Variants in NMRK1 observed in about 807,000 individuals in gnomAD.
NMRK1 encodes NRK 1.
NMRK1 carries 28 observed loss-of-function variants against 29.9 expected under a neutral mutation model. That is an observed-to-expected ratio of 0.94 (90% CI 0.69 to 1.28). The LOEUF (loss-of-function observed/expected upper bound fraction) is 1.28, where lower values mean the gene tolerates loss of function less well. Among genes scored for constraint, NMRK1 ranks in the 50% most tolerant of loss-of-function variants. The probability of loss-of-function intolerance (pLI) is 0.00; values close to 1 mark genes in which losing one functional copy is unlikely to be tolerated. For synonymous variants in NMRK1, 58 were observed against 73.0 expected (o/e 0.79, Z 1.05); for missense variants, 218 against 233.1 (o/e 0.94, Z 0.42).
At chr9:75,085,060 A>T (rs1824539101) in intron 1 of NMRK1, among the ~76,000 whole-genome samples, 1 of 152,008 alleles carries the variant, frequency 6.6e-6, no homozygotes, top group Non-Finnish European at 1.5e-5. Context: ...TTTTGTGGTG[A>T]TAAATGTTCT....
intron 2 of NMRK1, chr9:75,082,860 T>A: frequency 2.0e-6 from 1 of 510,626 alleles, no homozygotes; most frequent in Non-Finnish European, 3.5e-6. Context: ...AATGGGAAAG[T>A]GGGTAAATGT....
chr9:75,078,456 C>T (rs778391635), intron 2 of NMRK1: 115 of 1,509,266 alleles, frequency 7.6e-5, no homozygotes, highest in Non-Finnish European at 9.0e-5. Flanking sequence ...CTGTGAAGTC[C>T]AGGAGAAGGG....
chr9:75,078,822 C>T (rs561559930), intron 2 of NMRK1, among the ~76,000 whole-genome samples: 13 of 152,064 alleles, frequency 8.5e-5, no homozygotes, highest in African/African-American at 3.1e-4. Flanking sequence ...TTGTTTAGAC[C>T]CACTTCTGGC....
intron 2 of NMRK1, among the ~76,000 whole-genome samples, chr9:75,080,591 G>A (rs566671349): frequency 6.6e-6 from 1 of 152,328 alleles, no homozygotes; most frequent in South Asian, 2.1e-4. Context: ...GGCGGAGGCT[G>A]CAGTGAGCCG....
At chr9:75,077,306 T>C in intron 3 of NMRK1, 99 bp from the exon 4 acceptor site, 2 of 952,318 alleles carry the variant, frequency 2.1e-6, no homozygotes, top group East Asian at 2.4e-5. Context: ...ATGCTTTGGA[T>C]GATCAAAGAA....
intron 4 of NMRK1, among the ~76,000 whole-genome samples, chr9:75,074,426 CACCTA>C (rs1823876473): frequency 6.6e-6 from 1 of 151,244 alleles, no homozygotes; most frequent in African/African-American, 2.4e-5. Flanking sequence ...CTCACTCTGT[CACCTA>C]AGCTGGAGTG....
chr9:75,069,654 C>T (rs926433492), intron 6 of NMRK1, 88 bp downstream of exon 6: 21 of 983,068 alleles, frequency 2.1e-5, no homozygotes, highest in African/African-American at 1.6e-4. Context: ...ATGACGTATA[C>T]GCATTGCTCA....
chr9:75,084,087 G>A (rs996662752), intron 1 of NMRK1, among the ~76,000 whole-genome samples: 7 of 152,166 alleles, frequency 4.6e-5, no homozygotes, highest in African/African-American at 1.2e-4. Flanking sequence ...CCTCCCTAAC[G>A]TTCACTAAAG....
At chr9:75,066,205 C>A in intron 8 of NMRK1, 1 of 498,850 alleles carries the variant, frequency 2.0e-6, no homozygotes, top group East Asian at 5.5e-5. Flanking sequence ...TCCAGCTGAG[C>A]CTGAAGCCAC....
intron 4 of NMRK1, among the ~76,000 whole-genome samples, chr9:75,073,219 G>A (rs1564132454): frequency 1.3e-5 from 2 of 152,194 alleles, no homozygotes; most frequent in East Asian, 3.9e-4. Context: ...GGGTGATGCA[G>A]CCGAAACCAA....
Position 75,060,652 on chromosome 9 carries a change from C to G in NMRK1, c.*896G>C, listed in dbSNP as rs1433786735. 6.6e-6 allele frequency: 1 copy of G among 152,126 alleles called. No individual in the cohort carries two copies. The highest frequency in any genetic ancestry group is 2.4e-5 in the African/African-American group (1 of 41,406). The allele number at this position is 152,126 out of a possible 1,614,324, so 9.4% of individuals were successfully genotyped here. On this transcript the variant is annotated 3_prime_UTR_variant, in exon 9 of 9. Transcript: ENST00000361092. ...TAAATTCCAGCATTGAAAGCAGCCT[C>G]AAGAGATCACACAATTCAGATCTCC...
intron 8 of NMRK1, among the ~76,000 whole-genome samples, chr9:75,065,754 C>T (rs1823302755): frequency 6.6e-6 from 1 of 152,170 alleles, no homozygotes; most frequent in Non-Finnish European, 1.5e-5. Context: ...TGTGATCCAG[C>T]AGGACCAATC....
chr9:75,075,766 G>A (rs1823952782), intron 4 of NMRK1, among the ~76,000 whole-genome samples: 1 of 152,172 alleles, frequency 6.6e-6, no homozygotes, highest in Non-Finnish European at 1.5e-5. Flanking sequence ...CAGTGGCCTA[G>A]TACTTTGGCC....
At chr9:75,077,414 C>A in intron 3 of NMRK1, 76 bp downstream of exon 3, 1 of 1,133,334 alleles carries the variant, frequency 8.8e-7, no homozygotes, top group South Asian at 1.3e-5. Flanking sequence ...CCAAAGACTT[C>A]TTGGATGTAA....
intron 4 of NMRK1, among the ~76,000 whole-genome samples, chr9:75,070,640 G>C (rs1180957240): frequency 6.6e-6 from 1 of 152,188 alleles, no homozygotes; most frequent in African/African-American, 2.4e-5. Flanking sequence ...TAAACCAGTA[G>C]TATTAGCATC....
chr9:75,087,404 TCTGTAAAGTGC>T (rs1824723887), intron 1 of NMRK1: 1 of 152,058 alleles, frequency 6.6e-6, no homozygotes, highest in South Asian at 2.1e-4. Flanking sequence ...GAAAACTTTT[TCTGTAAAGTGC>T]CAGACAGGAA....
intron 4 of NMRK1, among the ~76,000 whole-genome samples, chr9:75,075,571 A>G (rs1163060681): frequency 6.6e-6 from 1 of 152,366 alleles, no homozygotes; most frequent in East Asian, 1.9e-4. Flanking sequence ...TTTTAATTAT[A>G]AAAGTTAATA....
intron 1 of NMRK1, among the ~76,000 whole-genome samples, chr9:75,083,501 C>A (rs1263432914): frequency 6.6e-6 from 1 of 152,232 alleles, no homozygotes; most frequent in Admixed American, 6.5e-5. Flanking sequence ...ACGATTCAGT[C>A]GCCTGGGTAT....
intron 2 of NMRK1, among the ~76,000 whole-genome samples, chr9:75,079,901 C>T (rs1004427509): frequency 6.6e-6 from 1 of 152,168 alleles, no homozygotes; most frequent in Non-Finnish European, 1.5e-5. Context: ...TGAGGAGAAG[C>T]GTGCCCAGCA....
Sources: gnomAD v4.1 joint callset for allele counts (sites outside exome capture counted in the v4.1 genomes callset) on GRCh38, gnomAD v4.1.1 for gene constraint, MANE v1.5 for transcripts, NCBI Gene and HGNC (gene_info 2026-07-23, HGNC 2026-07-21) for gene names.